The following ZNF44 variants were observed in gnomAD, a reference collection of about 807,000 sequenced individuals.
ZNF44 encodes gonadotropin inducible transcription repressor-2.
Under a neutral mutation model 11.7 loss-of-function variants are expected in ZNF44, and 9 were observed. The ratio of observed to expected loss-of-function variants is 0.77; its 90% confidence interval spans 0.46 to 1.35. The LOEUF is 1.35. Among genes scored for constraint, ZNF44 ranks in the 40% most tolerant of loss-of-function variants. The probability of loss-of-function intolerance (pLI) is 0.00; values close to 1 mark genes in which losing one functional copy is unlikely to be tolerated. For synonymous variants in ZNF44, 224 were observed against 242.7 expected (o/e 0.92, Z 0.72); for missense variants, 696 against 743.1 (o/e 0.94, Z 0.74).
intron 2 of ZNF44, 72 bp downstream of exon 2, chr19:12,275,884 C>T (rs905493900): frequency 3.4e-6 from 5 of 1,483,190 alleles, no homozygotes; most frequent in Non-Finnish European, 4.5e-6. Flanking sequence ...TATTTCAAAT[C>T]ACTGAACAGC....
chr19:12,287,371 C>T (rs1316336889), intron 1 of ZNF44, among the ~76,000 whole-genome samples: 4 of 152,000 alleles, frequency 2.6e-5, no homozygotes, highest in Non-Finnish European at 2.9e-5. Flanking sequence ...TGTGCCACCA[C>T]GCCTGGCTAA....
At chr19:12,228,605 TTC>T (rs1916017956) in intron 3 of ZNF44, among the ~76,000 whole-genome samples, 1 of 152,310 alleles carries the variant, frequency 6.6e-6, no homozygotes, top group African/African-American at 2.4e-5. Flanking sequence ...TGCCTCAACT[TTC>T]TGACTTGTTG....
intron 5 of ZNF44, among the ~76,000 whole-genome samples, chr19:12,251,564 A>C (rs1462773704): frequency 6.6e-6 from 1 of 152,206 alleles, no homozygotes; most frequent in Admixed American, 6.5e-5. Context: ...CTGGGAAGTT[A>C]GAGCTCAGGC....
Position 12,292,603 on chromosome 19 carries a change from T to C in ZNF44, c.3+2089A>G, listed in dbSNP as rs185604056. ...ACATCCGCCAGCCCCACGGTGCTCA[T>C]TGAAGTGCTCAGCAACCACATTCCT... On this transcript the variant is annotated intron_variant, in intron 1 of 3. Transcript: ENST00000355684. 2.9e-3 allele frequency among the ~76,000 whole-genome samples: 436 copies of C among 152,232 alleles called. 2 individuals carry two copies. Among genetic ancestry groups the C allele is most frequent in the African/African-American group, 9.4e-3 (389 of 41,564 alleles).
chr19:12,277,101 A>G (rs1486277586), intron 1 of ZNF44, among the ~76,000 whole-genome samples: 2 of 152,220 alleles, frequency 1.3e-5, no homozygotes, highest in Non-Finnish European at 2.9e-5. Flanking sequence ...ATACACAAAG[A>G]AACACTCTAG....
intron 3 of ZNF44, among the ~76,000 whole-genome samples, chr19:12,226,827 G>A (rs1174104658): frequency 6.6e-6 from 1 of 152,154 alleles, no homozygotes; most frequent in Non-Finnish European, 1.5e-5. Flanking sequence ...AGCACTTTGG[G>A]AGGCCAAGGT....
Position 12,273,290 on chromosome 19 carries a change from C to T in ZNF44, c.965G>A (p.Gly322Glu), listed in dbSNP as rs144293271. The T allele has an allele frequency of 3.4e-3, 5,483 of 1,613,780 alleles. 24 individuals are homozygous for T. Among genetic ancestry groups the T allele is most frequent in the Middle Eastern group, 8.3e-3 (50 of 6,060 alleles). Residue 322 changes from glycine (G) to glutamate (E), a missense_variant, in exon 4 of 4, where the codon GGA becomes GAA. Gly to Glu is a moderately conservative substitution (Grantham distance 98). Transcript: ENST00000355684. ...CATTATCATGTGTCTTTGAAAGCTTCCAAGATGACAAAACGCTTTCCCACA... is the reference window on the plus strand; with the variant it reads ...CATTATCATGTGTCTTTGAAAGCTTTCAAGATGACAAAACGCTTTCCCACA... ...KQCGKAFCHL[G>E]SFQRHMIMHS...
chr19:12,272,194 C>A lies in ZNF44; in HGVS notation c.*213G>T. 1.5e-6 allele frequency: 1 copy of A among 656,518 alleles called. No homozygotes were observed. The highest frequency in any genetic ancestry group is 2.1e-6 in the Non-Finnish European group (1 of 466,692). 40.7% of individuals were successfully genotyped at this position (656,518 alleles called of 1,614,324 possible). A position where few individuals can be genotyped will look rare whatever the true frequency, so the allele number is the denominator to read the frequency against. On this transcript the variant is annotated 3_prime_UTR_variant, in exon 4 of 4. Transcript: ENST00000355684. ...TTTTTTTCCGTATTTTTAGTAGAGA[C>A]AGGGTTTCCCATGTTAGCCAGGCTG...
intron 1 of ZNF44, among the ~76,000 whole-genome samples, chr19:12,288,901 T>A (rs1317329915): frequency 6.7e-6 from 1 of 150,262 alleles, no homozygotes; most frequent in Non-Finnish European, 1.5e-5. Flanking sequence ...CAATTCTGGC[T>A]CCCGCCTTTT....
chr19:12,246,069 G>A (rs1258445605), downstream of ZNF44, among the ~76,000 whole-genome samples: 3 of 152,184 alleles, frequency 2.0e-5, no homozygotes, highest in African/African-American at 7.2e-5. Context: ...GCATCTGTCT[G>A]TCTCCACGCA....
chr19:12,288,850 G>A (rs1210203962), intron 1 of ZNF44, among the ~76,000 whole-genome samples: 1 of 140,780 alleles, frequency 7.1e-6, no homozygotes, highest in African/African-American at 2.8e-5. Flanking sequence ...TTTCTGTTCT[G>A]GACAAGTAGC....
intron 1 of ZNF44, among the ~76,000 whole-genome samples, chr19:12,235,521 C>T (rs935923940): frequency 6.6e-6 from 1 of 152,142 alleles, no homozygotes. Context: ...AGGTGGAAAA[C>T]TATAGACCAG....
downstream of ZNF44, chr19:12,247,221 A>G (rs1916792516): frequency 1.8e-6 from 2 of 1,082,098 alleles, no homozygotes; most frequent in East Asian, 6.1e-5. Flanking sequence ...GAACTTTCAT[A>G]TCAACTTTGA....
upstream of ZNF44, among the ~76,000 whole-genome samples, chr19:12,240,391 A>C (rs372046918): frequency 6.7e-6 from 1 of 149,866 alleles, no homozygotes. Context: ...GGTGCAGTGC[A>C]CTGAGATTGT....
At chr19:12,284,601 G>C in intron 1 of ZNF44, 1 of 717,394 alleles carries the variant, frequency 1.4e-6, no homozygotes, top group South Asian at 1.4e-5. Flanking sequence ...CTTGTTCCTG[G>C]GGGCCTCTCT....
downstream of ZNF44, chr19:12,244,669 AT>A (rs1916720404): frequency 6.6e-6 from 1 of 152,666 alleles, no homozygotes; most frequent in Non-Finnish European, 1.5e-5. Flanking sequence ...CATGTCTCCG[AT>A]AACCTAAAAG....
In ZNF44 at chr19:12,273,283, A is replaced by G. The variant is rs1356376867; in HGVS notation, c.972T>C (p.Phe324=). ...CACTGTGCATTATCATGTGTCTTTG[A>G]AAGCTTCCAAGATGACAAAACGCTT... ...CGKAFCHLGS[F]QRHMIMHSGD... Residue 324 remains phenylalanine (F), a synonymous_variant, in exon 4 of 4, where the codon TTT becomes TTC. Transcript: ENST00000355684. The G allele has an allele frequency of 1.2e-6, 2 of 1,613,928 alleles. No homozygotes were observed. The highest frequency in any genetic ancestry group is 3.3e-5 in the Admixed American group (2 of 60,010).
rs188181090 is a variant in ZNF44 at position 12,289,170 on chromosome 19, G to C, written c.3+5522C>G. On this transcript the variant is annotated intron_variant, in intron 1 of 3. Coordinates refer to ENST00000355684, the MANE Select transcript of ZNF44 (RefSeq NM_016264.4). ...AAATACAAAAATATTAGCTGGGCAT[G>C]GGGTTGTATACCTGTAGTCTCAGCT... 2.1e-3 allele frequency among the ~76,000 whole-genome samples: 319 copies of C among 152,044 alleles called. 2 individuals are homozygous for C. Among genetic ancestry groups the C allele is most frequent in the African/African-American group, 7.4e-3 (306 of 41,474 alleles).
At chr19:12,274,347 GC>G (rs1376743738) in intron 3 of ZNF44, among the ~76,000 whole-genome samples, 1 of 136,160 alleles carries the variant, frequency 7.3e-6, no homozygotes, top group African/African-American at 2.8e-5. Flanking sequence ...GTCTCGGCTT[GC>G]TGCAACCTCC....
Sources: allele counts gnomAD v4.1 joint callset (sites outside exome capture counted in the v4.1 genomes callset), GRCh38; gene constraint gnomAD v4.1.1; transcripts MANE v1.5; gene names NCBI Gene and HGNC (gene_info 2026-07-23, HGNC 2026-07-21).